Variants in BCAT1 observed in about 807,000 individuals in gnomAD.
BCAT1 encodes the protein branched chain amino acid transaminase 1.
A neutral mutation model predicts 52.4 loss-of-function variants in BCAT1; 48 were observed. The observed-to-expected ratio is 0.92, with a 90% confidence interval of 0.73 to 1.16. The LOEUF (loss-of-function observed/expected upper bound fraction) is 1.16, where lower values mean the gene tolerates loss of function less well. BCAT1 is among the 50% of genes most tolerant of loss of function. The pLI is 0.00. For missense variants in BCAT1, 451 were observed against 457.1 expected (o/e 0.99, Z 0.12); for synonymous variants, 167 against 161.3 (o/e 1.04, Z -0.27).
intron 1 of BCAT1, among the ~76,000 whole-genome samples, chr12:24,918,352 GC>G (rs1381469719): frequency 1.3e-5 from 2 of 152,144 alleles, no homozygotes; most frequent in African/African-American, 4.8e-5. Flanking sequence ...TGCTCCCTAG[GC>G]TCATAGAGGA....
Position 24,842,064 on chromosome 12 carries a change from G to A in BCAT1, c.817+18C>T, listed in dbSNP as rs775875298. ...AAAATGACTGAGAAATGCACACAGT[G>A]AAATCTGAGTGGATTACCTCCATCT... is the stretch of plus-strand genomic sequence containing the variant. On this transcript the variant is annotated intron_variant, in intron 7 of 10. Coordinates refer to ENST00000261192, the MANE Select transcript of BCAT1 (RefSeq NM_005504.7). 5.6e-6 allele frequency: 9 copies of A among 1,611,864 alleles called. No individual in the cohort carries two copies. In the Admixed American group the frequency reaches 1.3e-4, roughly 24 times the overall value.
intron 6 of BCAT1, among the ~76,000 whole-genome samples, chr12:24,848,688 A>T (rs1178600774): frequency 6.6e-6 from 1 of 151,904 alleles, no homozygotes; most frequent in Non-Finnish European, 1.5e-5. Flanking sequence ...TTGAACCAGT[A>T]AAAAAAGAAA....
intron 7 of BCAT1, among the ~76,000 whole-genome samples, chr12:24,839,754 G>A (rs1941119902): frequency 6.6e-6 from 1 of 152,146 alleles, no homozygotes; most frequent in Non-Finnish European, 1.5e-5. Context: ...ATTACCGAAA[G>A]AACTCTGTTT....
chr12:24,930,573 G>A (rs538972445), intron 1 of BCAT1, among the ~76,000 whole-genome samples: 33 of 152,300 alleles, frequency 2.2e-4, no homozygotes, highest in African/African-American at 7.7e-4. Flanking sequence ...TCTAGGCAAA[G>A]CATTTCTCAC....
intron 5 of BCAT1, among the ~76,000 whole-genome samples, chr12:24,875,240 A>G (rs1942299567): frequency 1.3e-5 from 2 of 152,176 alleles, no homozygotes; most frequent in Admixed American, 6.5e-5. Flanking sequence ...CATTACCAAC[A>G]TGAATTGCGT....
chr12:24,949,219 C>A, upstream of BCAT1: 1 of 501,116 alleles, frequency 2.0e-6, no homozygotes. Flanking sequence ...CCCGAAGATT[C>A]GGAGCCAGCG....
At chr12:24,888,528 T>G (rs1317774489) in intron 3 of BCAT1, among the ~76,000 whole-genome samples, 1 of 152,122 alleles carries the variant, frequency 6.6e-6, no homozygotes, top group Non-Finnish European at 1.5e-5. Flanking sequence ...AAAACAATTC[T>G]TTGAGAGCAA....
chr12:24,901,360 T>C (rs1943097777), intron 2 of BCAT1, among the ~76,000 whole-genome samples: 1 of 152,248 alleles, frequency 6.6e-6, no homozygotes, highest in South Asian at 2.1e-4. Flanking sequence ...ACGTGCTTTG[T>C]TTCTCACTGT....
chr12:24,922,142 C>A (rs1364490139), intron 1 of BCAT1, among the ~76,000 whole-genome samples: 1 of 152,160 alleles, frequency 6.6e-6, no homozygotes, highest in African/African-American at 2.4e-5. Context: ...CATGAGCACA[C>A]ACGCAAACAC....
chr12:24,816,562 A>C lies in BCAT1; in HGVS notation c.*1446T>G. The C allele has an allele frequency of 7.6e-6, 3 of 397,042 alleles. No homozygotes were observed. The East Asian group carries it at 1.1e-4, about 14-fold the overall frequency. The allele number at this position is 397,042 out of a possible 1,614,324, so 24.6% of individuals were successfully genotyped here. On this transcript the variant is annotated 3_prime_UTR_variant, in exon 11 of 11. Coordinates refer to ENST00000261192, the MANE Select transcript of BCAT1 (RefSeq NM_005504.7). ...AGCACCTGCAAAAACAGAGTATAAA[A>C]ATCAGAGTATGCCTCTTTGTTTTCT...
chr12:24,829,365 C>A (rs1429661831), intron 10 of BCAT1, among the ~76,000 whole-genome samples: 1 of 152,130 alleles, frequency 6.6e-6, no homozygotes, highest in East Asian at 1.9e-4. Context: ...GCCTGGGCAA[C>A]AAGAGTGAAA....
chr12:24,932,756 C>A (rs916573607), intron 1 of BCAT1, among the ~76,000 whole-genome samples: 1 of 152,142 alleles, frequency 6.6e-6, no homozygotes, highest in Non-Finnish European at 1.5e-5. Flanking sequence ...CCTGCCTCAG[C>A]CTCCTGAGTA....
At chr12:24,866,280 TAGATTTCTCGCCGGGCC>T (rs1270031071) in intron 5 of BCAT1, among the ~76,000 whole-genome samples, 4 of 152,210 alleles carry the variant, frequency 2.6e-5, no homozygotes, top group Non-Finnish European at 4.4e-5. Context: ...GGCGCCGCGC[TAGATTTCTCGCCGGGCC>T]AGATTTCTCG....
chr12:24,858,258 A>G (rs1941751085), intron 5 of BCAT1, among the ~76,000 whole-genome samples: 1 of 152,234 alleles, frequency 6.6e-6, no homozygotes, highest in Non-Finnish European at 1.5e-5. Context: ...TGATATGCAT[A>G]GAAAAGAGCT....
chr12:24,877,485 C>T (rs1942379980), intron 5 of BCAT1, among the ~76,000 whole-genome samples: 1 of 152,190 alleles, frequency 6.6e-6, no homozygotes, highest in Admixed American at 6.5e-5. Context: ...ACAAGGGCAC[C>T]CAACCAAGAG....
intron 5 of BCAT1, among the ~76,000 whole-genome samples, chr12:24,859,981 A>G (rs767469043): frequency 7.2e-5 from 11 of 152,218 alleles, no homozygotes; most frequent in Non-Finnish European, 1.2e-4. Context: ...CTAAATTCTG[A>G]TATGACTTAG....
At position 24,812,183 on chromosome 12, in the gene BCAT1, T is replaced by A. The variant is rs1229401520; in HGVS notation, c.*5825A>T. On this transcript the variant is annotated 3_prime_UTR_variant, in exon 11 of 11. Transcript: ENST00000261192. ...TTCTTAACCCTGAGAATGAGTTTAA[T>A]GATCATAGGAAACTAGTTTGAGGAA... 1 of 152,132 alleles carries A rather than the reference T, an allele frequency of 6.6e-6. No homozygotes were observed. The highest frequency in any genetic ancestry group is 1.5e-5 in the Non-Finnish European group (1 of 67,964). The allele number at this position is 152,132 out of a possible 1,614,324, so 9.4% of individuals were successfully genotyped here.
At chr12:24,833,579 C>A (rs1940782465) in intron 8 of BCAT1, among the ~76,000 whole-genome samples, 1 of 152,016 alleles carries the variant, frequency 6.6e-6, no homozygotes, top group Non-Finnish European at 1.5e-5. Context: ...TAAAGGAGAA[C>A]AATGTATTAT....
chr12:24,879,523 G>A (rs1252144731), intron 4 of BCAT1, among the ~76,000 whole-genome samples: 1 of 152,288 alleles, frequency 6.6e-6, no homozygotes, highest in East Asian at 1.9e-4. Context: ...TCTGAGTAAA[G>A]CTCATGAAGT....
Sources: allele counts gnomAD v4.1 joint callset (sites outside exome capture counted in the v4.1 genomes callset), GRCh38; gene constraint gnomAD v4.1.1; transcripts MANE v1.5; gene names NCBI Gene and HGNC (gene_info 2026-07-23, HGNC 2026-07-21).